Variants in VPS16 observed in about 807,000 individuals in gnomAD.
The protein encoded by VPS16 is vacuolar protein sorting-associated protein 16 homolog.
Under a neutral mutation model 116.0 loss-of-function variants are expected in VPS16, and 82 were observed. That is an observed-to-expected ratio of 0.71 (90% CI 0.59 to 0.85). The LOEUF (loss-of-function observed/expected upper bound fraction) is 0.85, where lower values mean the gene tolerates loss of function less well. VPS16 is among the 40% of genes least tolerant of loss of function. VPS16 has a pLI of 0.00. For missense variants in VPS16, 928 were observed against 1,090.6 expected, an observed-to-expected ratio of 0.85 and a Z score of 2.10; for synonymous variants, 406 against 420.7, an observed-to-expected ratio of 0.96 and a Z score of 0.43.
At chr20:2,843,311 A>C (rs1309687692) in intron 1 of VPS16, among the ~76,000 whole-genome samples, 1 of 152,168 alleles carries the variant, frequency 6.6e-6, no homozygotes, top group Non-Finnish European at 1.5e-5. Context: ...ACACACCTAT[A>C]ATCCCAGCTA....
chr20:2,862,966 C>A, intron 13 of VPS16, 32 bp downstream of exon 13: 1 of 1,613,660 alleles, frequency 6.2e-7, no homozygotes, highest in Admixed American at 1.7e-5. Context: ...GGGTACCCTA[C>A]AGCCAGGGGT....
At position 2,866,371 on chromosome 20, in the gene VPS16, G is replaced by A. The variant is rs2089345740; in HGVS notation, c.2375+56G>A. On this transcript the variant is annotated intron_variant, in intron 23 of 23. Coordinates refer to ENST00000380445, the MANE Select transcript of VPS16 (RefSeq NM_022575.4). ...GTGGCTGAGCTGTGGGCTGGTGAGA[G>A]GCAGGGTTTGTGCCCTTGAGCAGCC... The A allele has an allele frequency of 2.5e-6, 4 of 1,613,998 alleles. No homozygotes were observed. In the Admixed American group the frequency reaches 5.0e-5, roughly 20 times the overall value.
At position 2,865,598 on chromosome 20, in the gene VPS16, C is replaced by A; in HGVS notation, c.2271+103C>A. ...AGGATGGCCCGTTCATGCTCCTGTTCAGCTGCCCGCATAGTTAGCGAGTGC... is the reference window on the plus strand; with the variant it reads ...AGGATGGCCCGTTCATGCTCCTGTTAAGCTGCCCGCATAGTTAGCGAGTGC... On this transcript the variant is annotated intron_variant, in intron 22 of 23. Coordinates refer to ENST00000380445, the MANE Select transcript of VPS16 (RefSeq NM_022575.4). The surrounding 1 kb of genome is among the most constrained non-coding windows in gnomAD (Gnocchi z 5.2). The A allele has an allele frequency of 9.5e-7, 1 of 1,047,962 alleles. No individual in the cohort carries two copies. Among genetic ancestry groups the A allele is most frequent in the Non-Finnish European group, 1.4e-6 (1 of 722,442 alleles). 64.9% of individuals were successfully genotyped at this position (1,047,962 alleles called of 1,614,324 possible). A position where few individuals can be genotyped will look rare whatever the true frequency, so the allele number is the denominator to read the frequency against.
rs1276567192 is a variant in VPS16 at position 2,864,586 on chromosome 20, T to C, written c.1858T>C (p.Tyr620His). 2 of 1,614,110 alleles carry C rather than the reference T, an allele frequency of 1.2e-6. No homozygotes were observed. Among genetic ancestry groups the C allele is most frequent in the Non-Finnish European group, 1.7e-6 (2 of 1,180,034 alleles). The change falls in exon 19 of 24, where the codon TAC becomes CAC. Residue 620 changes from tyrosine (Y) to histidine (H), a missense_variant. Physicochemically the swap from Tyr to His is moderately conservative, Grantham distance 83 (BLOSUM62 2). Coordinates refer to ENST00000380445, the MANE Select transcript of VPS16 (RefSeq NM_022575.4). This position sits in a 1 kb window ranked among gnomAD's most constrained non-coding sequence, Gnocchi z 5.2. ...HQELETLKDLYNQDDNHQELG... is the reference protein window; with the variant it reads ...HQELETLKDLHNQDDNHQELG... ...GGAGCTAGAGACGCTGAAGGACCTTTACAATCAGGATGACAATCACCAGGA... is the reference window on the plus strand; with the variant it reads ...GGAGCTAGAGACGCTGAAGGACCTTCACAATCAGGATGACAATCACCAGGA...
rs371163592 is a variant in VPS16, at chr20:2,860,038, T to A, written c.143-16T>A. 1 of 1,613,818 alleles carries A rather than the reference T, an allele frequency of 6.2e-7. No homozygotes were observed. The highest frequency in any genetic ancestry group is 1.3e-5 in the African/African-American group (1 of 75,036). Reference sequence around the variant, plus strand: ...GCCTAGGGAGCTAGGACAGAAGGTCTCTTCTCAAACTGCAGCACTGCTGAG... The same window carrying A: ...GCCTAGGGAGCTAGGACAGAAGGTCACTTCTCAAACTGCAGCACTGCTGAG... On this transcript the variant is annotated splice_polypyrimidine_tract_variant and intron_variant, in intron 2 of 23. Coordinates refer to ENST00000380445, the MANE Select transcript of VPS16 (RefSeq NM_022575.4). This position sits in a 1 kb window ranked among gnomAD's most constrained non-coding sequence, Gnocchi z 6.1.
intron 1 of VPS16, among the ~76,000 whole-genome samples, chr20:2,854,546 C>T (rs1238070531): frequency 6.6e-6 from 1 of 151,994 alleles, no homozygotes; most frequent in Non-Finnish European, 1.5e-5. Flanking sequence ...GTAATCCCAA[C>T]ACTTTGGGAG....
At chr20:2,853,554 T>A (rs1009755195) in intron 1 of VPS16, among the ~76,000 whole-genome samples, 2 of 152,240 alleles carry the variant, frequency 1.3e-5, no homozygotes, top group African/African-American at 4.8e-5. Flanking sequence ...CTGCAGAGAC[T>A]CCTACTGAAG....
Position 2,864,498 on chromosome 20 carries a change from T to C in VPS16, c.1818+36T>C, listed in dbSNP as rs2089293138. The C allele has an allele frequency of 6.2e-7, 1 of 1,614,034 alleles. No homozygotes were observed. Among genetic ancestry groups the C allele is most frequent in the South Asian group, 1.1e-5 (1 of 91,096 alleles). On this transcript the variant is annotated intron_variant, in intron 18 of 23. Coordinates refer to ENST00000380445, the MANE Select transcript of VPS16 (RefSeq NM_022575.4). This position sits in a 1 kb window ranked among gnomAD's most constrained non-coding sequence, Gnocchi z 5.2. ...TGGGCAGGGTTGTGGTGTAGCCTTC[T>C]GAGCACTTGAGTTGGCCTTGCTGAC... is the stretch of plus-strand genomic sequence containing the variant.
chr20:2,861,255 C>A lies in VPS16; in HGVS notation c.784C>A (p.Arg262=), dbSNP rs376818050. ...EKLCEFNCNI[R]APPKQMVWCS... ...GCTATGTGAGTTCAACTGCAACATC[C>A]GGGCACCTCCAAAGCAGATGGTCTG... is the stretch of plus-strand genomic sequence containing the variant. Residue 262 remains arginine (R), a synonymous_variant, in exon 8 of 24, where the codon CGG becomes AGG. Coordinates refer to ENST00000380445, the MANE Select transcript of VPS16 (RefSeq NM_022575.4). 1 of 1,614,186 alleles carries A rather than the reference C, an allele frequency of 6.2e-7. No homozygotes were observed. Among genetic ancestry groups the A allele is most frequent in the South Asian group, 1.1e-5 (1 of 91,084 alleles).
rs1161827375 is a variant in VPS16, at chr20:2,842,653, G to GATAGATATATAGATGTATCTATATATAT, written c.53+1834_53+1861dup. 2.3e-4 allele frequency among the ~76,000 whole-genome samples: 21 copies of GATAGATATATAGATGTATCTATATATAT among 92,988 alleles called. 1 individual carries two copies. Among genetic ancestry groups the GATAGATATATAGATGTATCTATATATAT allele is most frequent in the African/African-American group, 6.2e-4 (15 of 24,346 alleles). The allele number at this position is 92,988 out of a possible 152,430, so 61.0% of individuals were successfully genotyped here. A position where few individuals can be genotyped will look rare whatever the true frequency, so the allele number is the denominator to read the frequency against. On this transcript the variant is annotated intron_variant, in intron 1 of 23. Coordinates refer to ENST00000380445, the MANE Select transcript of VPS16 (RefSeq NM_022575.4). Reference sequence around the variant, plus strand: ...ATCTATCTATAGATAGATAGATATAGATAGATATATAGATGTATCTATATA... The same window carrying GATAGATATATAGATGTATCTATATATAT: ...ATCTATCTATAGATAGATAGATATAGATAGATATATAGATGTATCTATATATATATAGATATATAGATGTATCTATATA...
intron 1 of VPS16, among the ~76,000 whole-genome samples, chr20:2,841,789 C>T (rs920008703): frequency 6.7e-6 from 1 of 150,090 alleles, no homozygotes; most frequent in East Asian, 1.9e-4. Flanking sequence ...ACAGAGTCTT[C>T]CTCTGTTGCC....
chr20:2,841,718 G>T (rs988893413), intron 1 of VPS16, among the ~76,000 whole-genome samples: 1 of 151,482 alleles, frequency 6.6e-6, no homozygotes, highest in Non-Finnish European at 1.5e-5. Flanking sequence ...GGCGACATTT[G>T]TATAGGTTTC....
At chr20:2,861,965 G>A in intron 10 of VPS16, 66 bp downstream of exon 10, 2 of 1,605,292 alleles carry the variant, frequency 1.2e-6, no homozygotes, top group Non-Finnish European at 1.7e-6. Context: ...AGCTGCCCTG[G>A]GCCAGTGCCA....
In VPS16 at chr20:2,865,213, G is replaced by T; in HGVS notation, c.2070G>T (p.Gln690His). The T allele has an allele frequency of 1.2e-6, 2 of 1,614,212 alleles. No homozygotes were observed. The highest frequency in any genetic ancestry group is 1.6e-4 in the Middle Eastern group (1 of 6,062). The change falls in exon 21 of 24, where the codon CAG becomes CAT. Residue 690 changes from glutamine to histidine, a missense_variant. Transcript: ENST00000380445. This position sits in a 1 kb window ranked among gnomAD's most constrained non-coding sequence, Gnocchi z 5.2. Reference protein sequence around the residue: ...QRRLEDELGGQFLDLSLHDTV... With the variant: ...QRRLEDELGGHFLDLSLHDTV... ...GCCTAGAAGACGAGCTGGGGGGCCA[G>T]TTCCTAGACCTGTCTCTACATGACA...
chr20:2,866,360 G>A, intron 23 of VPS16, 45 bp downstream of exon 23: 1 of 1,614,108 alleles, frequency 6.2e-7, no homozygotes. Context: ...CTGAGCTGTG[G>A]GCTGGTGAGA....
intron 1 of VPS16, among the ~76,000 whole-genome samples, chr20:2,850,431 A>G (rs143297474): frequency 0.011 from 1,602 of 152,240 alleles, 33 homozygotes; most frequent in African/African-American, 0.035. Flanking sequence ...AATCGAGACT[A>G]TCTGGCCAAC....
At chr20:2,861,359 C>A in intron 8 of VPS16, 79 bp downstream of exon 8, 1 of 1,598,984 alleles carries the variant, frequency 6.3e-7, no homozygotes, top group African/African-American at 1.3e-5. Flanking sequence ...CTTGATTCGT[C>A]ATGTCTACTG....
At chr20:2,855,041 A>G (rs2089159830) in intron 1 of VPS16, among the ~76,000 whole-genome samples, 1 of 142,174 alleles carries the variant, frequency 7.0e-6, no homozygotes, top group African/African-American at 2.7e-5. Context: ...GCTCACCGCA[A>G]CCTCCGCCTC....
chr20:2,864,673 G>C lies in VPS16; in HGVS notation c.1926+19G>C, dbSNP rs777435352. 1.3e-5 allele frequency: 21 copies of C among 1,597,838 alleles called. No homozygotes were observed. Among genetic ancestry groups the C allele is most frequent in the Non-Finnish European group, 1.7e-5 (20 of 1,168,338 alleles). On this transcript the variant is annotated intron_variant, in intron 19 of 23. Transcript: ENST00000380445. The surrounding 1 kb of genome is among the most constrained non-coding windows in gnomAD (Gnocchi z 5.2). ...AGAAGAGGTCTGAGATCCATGGGGCGTGTGGGGCGTGTGGGGCATGTGGGC... is the reference window on the plus strand; with the variant it reads ...AGAAGAGGTCTGAGATCCATGGGGCCTGTGGGGCGTGTGGGGCATGTGGGC...
Sources: gnomAD v4.1 joint callset for allele counts (sites outside exome capture counted in the v4.1 genomes callset) on GRCh38, gnomAD v4.1.1 for gene constraint, Gnocchi (gnomAD v3.1) non-coding constraint, MANE v1.5 for transcripts, NCBI Gene and HGNC (gene_info 2026-07-23, HGNC 2026-07-21) for gene names.